PLOD1: variants seen among roughly 807,000 people sequenced by gnomAD.
PLOD1 encodes procollagen-lysine,2-oxoglutarate 5-dioxygenase 1.
In PLOD1, 70 loss-of-function variants were observed where a neutral mutation model predicts 94.7. That is an observed-to-expected ratio of 0.74 (90% confidence interval 0.61 to 0.90). PLOD1 has a LOEUF of 0.90. Among genes scored for constraint, PLOD1 ranks in the 40% least tolerant of loss-of-function variants. The probability of loss-of-function intolerance (pLI) is 0.00; values close to 1 mark genes in which losing one functional copy is unlikely to be tolerated. For synonymous variants in PLOD1, 417 were observed against 400.2 expected, an observed-to-expected ratio of 1.04 and a Z score of -0.50; for missense variants, 905 against 972.7, an observed-to-expected ratio of 0.93 and a Z score of 0.93.
intron 14 of PLOD1, 87 bp downstream of exon 14, chr1:11,965,680 A>G: frequency 1.2e-6 from 1 of 835,238 alleles, no homozygotes; most frequent in Non-Finnish European, 2.0e-6. Flanking sequence ...AGAGTCTTAC[A>G]ACAGCCAGGA....
At chr1:11,950,307 G>A (rs776495899) in intron 3 of PLOD1, 50 bp from the exon 4 acceptor site, 2 of 1,587,860 alleles carry the variant, frequency 1.3e-6, no homozygotes, top group South Asian at 1.1e-5. Flanking sequence ...CCCTCACTGG[G>A]CCCCTGCTCA....
At chr1:11,944,033 A>AC (rs1171227855) in intron 1 of PLOD1, among the ~76,000 whole-genome samples, 1 of 152,126 alleles carries the variant, frequency 6.6e-6, no homozygotes, top group Non-Finnish European at 1.5e-5. Flanking sequence ...TGAGTTTGCG[A>AC]CCAGCCTGGC....
chr1:11,954,310 CAAAAAAAAAA>C (rs754503001), intron 5 of PLOD1: 30 of 161,610 alleles, frequency 1.9e-4, no homozygotes, highest in African/African-American at 8.0e-4. Flanking sequence ...CCATCTCTAG[CAAAAAAAAAA>C]AAAAAAAAAA....
chr1:11,936,477 C>T (rs537049854), intron 1 of PLOD1, among the ~76,000 whole-genome samples: 2 of 151,746 alleles, frequency 1.3e-5, no homozygotes, highest in African/African-American at 2.4e-5. Context: ...AGAAGGATCC[C>T]GGGTTCTTTG....
At position 11,963,613 on chromosome 1, in the gene PLOD1, GCGGCTGCT is replaced by G; in HGVS notation, c.1180_1187del (p.Arg394AspfsTer69). 1 of 1,598,280 alleles carries G rather than the reference GCGGCTGCT, an allele frequency of 6.3e-7. No individual in the cohort carries two copies. The highest frequency in any genetic ancestry group is 8.5e-7 in the Non-Finnish European group (1 of 1,173,070). ...TGGCCCTGACCGAGCCCAACAGCCTGCGGCTGCTGATCCAACAGAACAAGTGAGGCTGC... is the reference window on the plus strand; with the variant it reads ...TGGCCCTGACCGAGCCCAACAGCCTGGATCCAACAGAACAAGTGAGGCTGC... On this transcript the variant is annotated frameshift_variant, in exon 11 of 19. Coordinates refer to ENST00000196061, the MANE Select transcript of PLOD1 (RefSeq NM_000302.4). LOFTEE classifies it high-confidence loss of function. This position sits in a 1 kb window ranked among gnomAD's most constrained non-coding sequence, Gnocchi z 4.3.
rs1465949112 is a variant in PLOD1 at position 11,954,822 on chromosome 1, T to C, written c.580-8T>C. The C allele has an allele frequency of 6.2e-7, 1 of 1,610,710 alleles. No homozygotes were observed. The highest frequency in any genetic ancestry group is 8.5e-7 in the Non-Finnish European group (1 of 1,176,974). ...CCCTGCTGCAGTCTGGTACCTTCTT[T>C]CCTGCAGGAGCAGATCAATATCACC... On this transcript the variant is annotated splice_region_variant and splice_polypyrimidine_tract_variant and intron_variant, in intron 5 of 18. Transcript: ENST00000196061.
chr1:11,934,901 G>A (rs1211059839), intron 1 of PLOD1, 46 bp downstream of exon 1: 1 of 1,525,844 alleles, frequency 6.6e-7, no homozygotes, highest in Admixed American at 2.0e-5. Context: ...CCGGGCGGGA[G>A]GGCTGGTGTC....
Position 11,948,057 on chromosome 1 carries a change from A to G in PLOD1, c.158A>G (p.Tyr53Cys), listed in dbSNP as rs1645669216. 1.2e-6 allele frequency: 2 copies of G among 1,612,340 alleles called. No individual in the cohort carries two copies. The highest frequency in any genetic ancestry group is 3.3e-5 in the Admixed American group (2 of 59,990). The change falls in exon 2 of 19, where the codon TAC becomes TGC. Residue 53 changes from tyrosine to cysteine, a missense_variant. Tyr to Cys is a radical substitution (Grantham distance 194, BLOSUM62 -2). Transcript: ENST00000196061. ...RFKRSAQFFN[Y>C]KIQALGLGED... ...AAGCGCTCAGCTCAGTTCTTCAACT[A>G]CAAGATCCAGGTAAGGGGTTTCCTG...
chr1:11,972,528 C>G lies in PLOD1; in HGVS notation c.1903-344C>G, dbSNP rs2100766679. The G allele has an allele frequency of 3.4e-6, 1 of 290,856 alleles. No homozygotes were observed. Among genetic ancestry groups the G allele is most frequent in the Middle Eastern group, 1.3e-3 (1 of 764 alleles). The allele number at this position is 290,856 out of a possible 1,614,324, so 18.0% of individuals were successfully genotyped here. A position where few individuals can be genotyped will look rare whatever the true frequency, so the allele number is the denominator to read the frequency against. On this transcript the variant is annotated intron_variant, in intron 17 of 18. Transcript: ENST00000196061. The surrounding 1 kb of genome is among the most constrained non-coding windows in gnomAD (Gnocchi z 4.6). The stretch of plus-strand genomic sequence containing the variant: ...TTGGCCTCCCAAAGTGCTGGAATTA[C>G]AGGCGTGAGTACCATGTCCGGCCTC...
chr1:11,969,252 G>A (rs1041931505), intron 16 of PLOD1, among the ~76,000 whole-genome samples: 9 of 152,004 alleles, frequency 5.9e-5, no homozygotes, highest in African/African-American at 2.2e-4. Flanking sequence ...GCCTCCCAAA[G>A]TGCTGGGATT....
intron 5 of PLOD1, among the ~76,000 whole-genome samples, 175 bp downstream of exon 5, chr1:11,952,910 G>C (rs537311674): frequency 6.6e-6 from 1 of 152,286 alleles, no homozygotes; most frequent in South Asian, 2.1e-4. Context: ...GATTTCTCAT[G>C]GTTCTGGAGG....
intron 17 of PLOD1, chr1:11,971,697 T>C (rs1232722088): frequency 6.6e-6 from 1 of 152,262 alleles, no homozygotes; most frequent in African/African-American, 2.4e-5. Context: ...CTTTCTTCCT[T>C]GTCATTAACC....
At position 11,972,847 on chromosome 1, in the gene PLOD1, C is replaced by G. The variant is rs1645875929; in HGVS notation, c.1903-25C>G. Reference sequence around the variant, plus strand: ...GTGTCCTCCTTAACTAACACGGGCTCTCTTGTCCCCCTGCCTTGGTACAGG... The same window carrying G: ...GTGTCCTCCTTAACTAACACGGGCTGTCTTGTCCCCCTGCCTTGGTACAGG... On this transcript the variant is annotated intron_variant, in intron 17 of 18. Coordinates refer to ENST00000196061, the MANE Select transcript of PLOD1 (RefSeq NM_000302.4). This position sits in a 1 kb window ranked among gnomAD's most constrained non-coding sequence, Gnocchi z 4.6. 1 of 1,613,846 alleles carries G rather than the reference C, an allele frequency of 6.2e-7. No individual in the cohort carries two copies. Among genetic ancestry groups the G allele is most frequent in the Non-Finnish European group, 8.5e-7 (1 of 1,179,798 alleles).
Position 11,952,781 on chromosome 1 carries a change from C to A in PLOD1, c.579+46C>A, listed in dbSNP as rs200584810. The A allele has an allele frequency of 8.6e-5, 118 of 1,370,558 alleles. No individual in the cohort carries two copies. The East Asian group carries it at 2.6e-3, about 30-fold the overall frequency. The allele number at this position is 1,370,558 out of a possible 1,614,324, so 84.9% of individuals were successfully genotyped here. A position where few individuals can be genotyped will look rare whatever the true frequency, so the allele number is the denominator to read the frequency against. ...CAAGGAGAGGGGGCTGGGGATCCAC[C>A]GGCCAGGCTGCACGGGAACAGCTCC... On this transcript the variant is annotated intron_variant, in intron 5 of 18. Transcript: ENST00000196061.
At chr1:11,948,755 A>C (rs1389342995) in intron 2 of PLOD1, among the ~76,000 whole-genome samples, 1 of 151,958 alleles carries the variant, frequency 6.6e-6, no homozygotes, top group Non-Finnish European at 1.5e-5. Context: ...AATAAAAGAA[A>C]AAAGAAACAT....
intron 1 of PLOD1, among the ~76,000 whole-genome samples, chr1:11,936,649 A>G (rs928523516): frequency 4.6e-5 from 7 of 151,752 alleles, no homozygotes; most frequent in African/African-American, 2.4e-5. Flanking sequence ...CAGCCTCCCA[A>G]GTAGCTGGGA....
chr1:11,959,394 C>T (rs1645762320), intron 9 of PLOD1, among the ~76,000 whole-genome samples: 1 of 151,644 alleles, frequency 6.6e-6, no homozygotes, highest in Non-Finnish European at 1.5e-5. Flanking sequence ...CACTGTTAAT[C>T]CTTCCTACCT....
At chr1:11,948,455 T>C (rs559089613) in intron 2 of PLOD1, among the ~76,000 whole-genome samples, 8 of 152,176 alleles carry the variant, frequency 5.3e-5, no homozygotes, top group African/African-American at 1.7e-4. Flanking sequence ...ACATGAGTGG[T>C]CCCGCACAGG....
rs535012522 is a variant in PLOD1, at chr1:11,956,976, A to G, written c.703A>G (p.Thr235Ala). 10 of 1,612,690 alleles carry G rather than the reference A, an allele frequency of 6.2e-6. No homozygotes were observed. In the African/African-American group the frequency reaches 9.4e-5, roughly 15 times the overall value. ...GAGAGCGAGGAACCTGGCCTATGAC[A>G]CCCTCCCGGTCCTGATCCATGGCAA... Reference protein sequence around the residue: ...HVRARNLAYDTLPVLIHGNGP... With the variant: ...HVRARNLAYDALPVLIHGNGP... The change falls in exon 7 of 19, where the codon ACC becomes GCC. Residue 235 changes from threonine (T) to alanine (A), a missense_variant. Thr to Ala is a moderately conservative substitution (Grantham distance 58). Coordinates refer to ENST00000196061, the MANE Select transcript of PLOD1 (RefSeq NM_000302.4).
Sources: gnomAD v4.1 joint callset for allele counts (sites outside exome capture counted in the v4.1 genomes callset) on GRCh38, gnomAD v4.1.1 for gene constraint, Gnocchi (gnomAD v3.1) non-coding constraint, MANE v1.5 for transcripts, NCBI Gene and HGNC (gene_info 2026-07-23, HGNC 2026-07-21) for gene names.